WDR41: variants seen among roughly 807,000 people sequenced by gnomAD.
WDR41 encodes WD repeat domain 41.
Under a neutral mutation model 69.3 loss-of-function variants are expected in WDR41, and 63 were observed. The observed-to-expected ratio is 0.91, with a 90% CI of 0.74 to 1.12. WDR41 has a LOEUF of 1.12. WDR41 is among the 50% of genes most tolerant of loss of function. The pLI is 0.00. For synonymous variants in WDR41, 185 were observed against 192.1 expected, an observed-to-expected ratio of 0.96 and a Z score of 0.31; for missense variants, 543 against 534.5, an observed-to-expected ratio of 1.02 and a Z score of -0.16.
At chr5:77,570,198 ACCTGAG>A (rs1213324029) in intron 1 of WDR41, among the ~76,000 whole-genome samples, 1 of 151,968 alleles carries the variant, frequency 6.6e-6, no homozygotes, top group Non-Finnish European at 1.5e-5. Context: ...TGTGACTTTC[ACCTGAG>A]CCTGATTTCC....
chr5:77,433,062 A>ATTAATGGTTTTCAGAGTAG lies in WDR41; in HGVS notation c.*54_*72dup, dbSNP rs1313919550. ...AATTACCAATTTAAGTGATCAATAT[A>ATTAATGGTTTTCAGAGTAG]TTAATGGTTTTCAGAGTAGTACCCG... On this transcript the variant is annotated 3_prime_UTR_variant, in exon 13 of 13. Transcript: ENST00000296679. The ATTAATGGTTTTCAGAGTAG allele has an allele frequency of 4.9e-4, 716 of 1,460,194 alleles. 1 individual carries two copies. Among genetic ancestry groups the ATTAATGGTTTTCAGAGTAG allele is most frequent in the Non-Finnish European group, 6.3e-4 (689 of 1,094,932 alleles). 90.5% of individuals were successfully genotyped at this position (1,460,194 alleles called of 1,614,324 possible). A position where few individuals can be genotyped will look rare whatever the true frequency, so the allele number is the denominator to read the frequency against.
intron 2 of WDR41, among the ~76,000 whole-genome samples, chr5:77,483,617 T>C (rs1202733957): frequency 6.6e-6 from 1 of 152,208 alleles, no homozygotes; most frequent in Non-Finnish European, 1.5e-5. Context: ...GAATCTAAGA[T>C]AGGTAGAAGA....
At chr5:77,449,544 G>A (rs751201925) in intron 8 of WDR41, among the ~76,000 whole-genome samples, 2 of 152,130 alleles carry the variant, frequency 1.3e-5, no homozygotes, top group African/African-American at 2.4e-5. Flanking sequence ...TATTTTCTCT[G>A]CCTTACACTA....
chr5:77,474,685 A>G (rs1041362567), intron 2 of WDR41, among the ~76,000 whole-genome samples: 1 of 149,524 alleles, frequency 6.7e-6, no homozygotes, highest in Non-Finnish European at 1.5e-5. Flanking sequence ...GTCCTTTTTT[A>G]GCTCACAAAC....
intron 1 of WDR41, among the ~76,000 whole-genome samples, chr5:77,592,283 T>C (rs7711098): frequency 0.028 from 4,318 of 152,268 alleles, 186 homozygotes; most frequent in African/African-American, 0.095. Context: ...AGTCTGATAG[T>C]TTATCTTTCA....
intron 1 of WDR41, among the ~76,000 whole-genome samples, chr5:77,500,963 A>G (rs1254944325): frequency 1.3e-5 from 2 of 152,256 alleles, no homozygotes; most frequent in African/African-American, 4.8e-5. Context: ...TGATTGACAC[A>G]GAAGATGGGT....
intron 3 of WDR41, among the ~76,000 whole-genome samples, chr5:77,464,362 C>CA (rs1800202813): frequency 6.9e-6 from 1 of 145,778 alleles, no homozygotes; most frequent in Admixed American, 7.0e-5. Context: ...ACTGCAACCT[C>CA]AGTCTCCCGA....
At chr5:77,515,182 C>G (rs1802275105) in intron 1 of WDR41, among the ~76,000 whole-genome samples, 1 of 152,024 alleles carries the variant, frequency 6.6e-6, no homozygotes, top group Non-Finnish European at 1.5e-5. Flanking sequence ...ATATGTTTTA[C>G]AACTGTACAA....
At chr5:77,523,975 T>A (rs1473868199) in intron 1 of WDR41, among the ~76,000 whole-genome samples, 1 of 152,220 alleles carries the variant, frequency 6.6e-6, no homozygotes, top group African/African-American at 2.4e-5. Flanking sequence ...TTTCAAATTA[T>A]CTTCCCTTTA....
At chr5:77,570,355 A>G (rs1261523752) in intron 1 of WDR41, among the ~76,000 whole-genome samples, 1 of 151,722 alleles carries the variant, frequency 6.6e-6, no homozygotes, top group African/African-American at 2.4e-5. Flanking sequence ...TCATCTAATA[A>G]TTATATGACT....
At chr5:77,436,527 CCGT>C in intron 11 of WDR41, 133 bp from the exon 12 acceptor site, 1 of 1,060,630 alleles carries the variant, frequency 9.4e-7, no homozygotes, top group African/African-American at 1.6e-5. Context: ...TACCTGAGCA[CCGT>C]GCTAGGGTTT....
At chr5:77,456,210 T>C (rs1399070598) in intron 5 of WDR41, among the ~76,000 whole-genome samples, 1 of 152,200 alleles carries the variant, frequency 6.6e-6, no homozygotes, top group Admixed American at 6.6e-5. Flanking sequence ...GGTATTGCTA[T>C]GTTGGCCAGG....
In WDR41 at chr5:77,474,984, C is replaced by T. The variant is rs939129055; in HGVS notation, c.168-10175G>A. Reference sequence around the variant, plus strand: ...GCACCGTGCGCGAGCCGAAGCAGGGCGACGCATTGCCTCACTCGGGAAGCT... The same window carrying T: ...GCACCGTGCGCGAGCCGAAGCAGGGTGACGCATTGCCTCACTCGGGAAGCT... On this transcript the variant is annotated intron_variant, in intron 2 of 12. Coordinates refer to ENST00000296679, the MANE Select transcript of WDR41 (RefSeq NM_018268.4). 1.2e-4 allele frequency among the ~76,000 whole-genome samples: 19 copies of T among 152,292 alleles called. 1 individual carries two copies. Among genetic ancestry groups the T allele is most frequent in the Middle Eastern group, 6.8e-3 (2 of 294 alleles).
At chr5:77,477,947 AAGAG>A (rs913700630) in intron 2 of WDR41, among the ~76,000 whole-genome samples, 8 of 150,514 alleles carry the variant, frequency 5.3e-5, no homozygotes, top group African/African-American at 1.7e-4. Flanking sequence ...TAAAGAAAAA[AAGAG>A]AGAAGAATCA....
At chr5:77,532,198 G>A (rs1391726907) in intron 1 of WDR41, among the ~76,000 whole-genome samples, 2 of 151,982 alleles carry the variant, frequency 1.3e-5, no homozygotes, top group Non-Finnish European at 2.9e-5. Flanking sequence ...GTTAATGATA[G>A]AATTCAGGTA....
At chr5:77,610,306 A>G (rs1580051650) in intron 1 of WDR41, among the ~76,000 whole-genome samples, 1 of 152,184 alleles carries the variant, frequency 6.6e-6, no homozygotes, top group South Asian at 2.1e-4. Context: ...TACAGAGAAC[A>G]CCACAAAGAT....
At chr5:77,578,864 C>CA (rs55920763) in intron 1 of WDR41, among the ~76,000 whole-genome samples, 4,911 of 76,926 alleles carry the variant, frequency 0.064, 184 homozygotes, top group East Asian at 0.11. Context: ...AACTCCATCT[C>CA]AAAAAAAAAA....
intron 1 of WDR41, among the ~76,000 whole-genome samples, chr5:77,491,636 T>C (rs1801794281): frequency 7.0e-6 from 1 of 142,730 alleles, no homozygotes; most frequent in Non-Finnish European, 1.6e-5. Flanking sequence ...GTTCTTGACC[T>C]TGAAGCAGAT....
At chr5:77,596,982 C>T (rs1744239689) in intron 1 of WDR41, among the ~76,000 whole-genome samples, 1 of 151,784 alleles carries the variant, frequency 6.6e-6, no homozygotes, top group Non-Finnish European at 1.5e-5. Context: ...TTTAGCCAGG[C>T]ATAGTAGTGC....
Sources: allele counts gnomAD v4.1 joint callset (sites outside exome capture counted in the v4.1 genomes callset), GRCh38; gene constraint gnomAD v4.1.1; transcripts MANE v1.5; gene names NCBI Gene and HGNC (gene_info 2026-07-23, HGNC 2026-07-21).